The following SLC19A3 variants were observed in gnomAD, a reference collection of about 807,000 sequenced individuals.
SLC19A3 encodes the protein thiamine transporter 2.
In SLC19A3, 31 loss-of-function variants were observed where a neutral mutation model predicts 40.2. The ratio of observed to expected loss-of-function variants is 0.77; its 90% confidence interval spans 0.58 to 1.04. SLC19A3 has a LOEUF of 1.04. SLC19A3 is among the 50% of genes least tolerant of loss of function. The probability of loss-of-function intolerance (pLI) is 0.00; values close to 1 mark genes in which losing one functional copy is unlikely to be tolerated. For missense variants in SLC19A3, 592 were observed against 596.7 expected (o/e 0.99, Z 0.08); for synonymous variants, 212 against 227.5 (o/e 0.93, Z 0.61).
At position 227,717,942 on chromosome 2, in the gene SLC19A3, C is replaced by T; in HGVS notation, c.-3+1G>A. The T allele has an allele frequency of 2.0e-6, 2 of 985,448 alleles. No homozygotes were observed. Among genetic ancestry groups the T allele is most frequent in the Non-Finnish European group, 2.4e-6 (2 of 829,968 alleles). 61.0% of individuals were successfully genotyped at this position (985,448 alleles called of 1,614,324 possible). On this transcript the variant is annotated splice_donor_variant, in intron 1 of 5. Transcript: ENST00000644224. LOFTEE classifies it low-confidence loss of function (5UTR_SPLICE). ...TAATTCGCCCCCCGAGATATTCTTA[C>T]CTACAGAAGGGAGTGTCTGTTCACC...
intron 1 of SLC19A3, among the ~76,000 whole-genome samples, chr2:227,711,454 A>AAATAT (rs1696137353): frequency 1.3e-5 from 2 of 151,310 alleles, no homozygotes; most frequent in South Asian, 4.2e-4. Flanking sequence ...AAATAAAATA[A>AAATAT]TAAAATAAAA....
intron 1 of SLC19A3, among the ~76,000 whole-genome samples, chr2:227,715,251 C>CGCA (rs146692568): frequency 0.15 from 22,091 of 145,438 alleles, 2,127 homozygotes; most frequent in South Asian, 0.33. Context: ...AAACCCCACA[C>CGCA]CCCCCCCAAA....
Position 227,699,543 on chromosome 2 carries a change from C to T in SLC19A3, c.172G>A (p.Val58Ile), listed in dbSNP as rs200412423. 17 of 1,614,108 alleles carry T rather than the reference C, an allele frequency of 1.1e-5. No individual in the cohort carries two copies. The highest frequency in any genetic ancestry group is 6.7e-5 in the African/African-American group (5 of 75,014). ...SAEITNEIFP[V>I]WTYSYLVLLL... ...AGCACCAGGTAGGAGTATGTCCAAA[C>T]GGGGAAGATCTCATTTGTTATCTGC... Residue 58 changes from valine to isoleucine, a missense_variant, in exon 3 of 6, where the codon GTT (valine) becomes ATT (isoleucine). Transcript: ENST00000644224.
intron 1 of SLC19A3, among the ~76,000 whole-genome samples, chr2:227,710,149 T>C (rs895110898): frequency 3.3e-5 from 5 of 152,110 alleles, no homozygotes; most frequent in African/African-American, 1.2e-4. Flanking sequence ...CACCTCCTGC[T>C]GTAATGGCCC....
intron 1 of SLC19A3, among the ~76,000 whole-genome samples, chr2:227,710,790 A>G (rs916687200): frequency 2.0e-5 from 3 of 152,162 alleles, no homozygotes; most frequent in Non-Finnish European, 2.9e-5. Context: ...GACCAAATAC[A>G]TTTTATGTTA....
chr2:227,702,165 T>C lies in SLC19A3; in HGVS notation c.150+4A>G. The C allele has an allele frequency of 1.2e-6, 2 of 1,612,110 alleles. No individual in the cohort carries two copies. The highest frequency in any genetic ancestry group is 1.7e-6 in the Non-Finnish European group (2 of 1,178,192). On this transcript the variant is annotated splice_donor_region_variant and intron_variant, in intron 2 of 5. Coordinates refer to ENST00000644224, the MANE Select transcript of SLC19A3 (RefSeq NM_025243.4). ...CATTAAGATATGTATGTATGTTAAC[T>C]TACCTCTGCACTGGTCAGGTTTTTA...
intron 4 of SLC19A3, among the ~76,000 whole-genome samples, chr2:227,694,313 AT>A (rs1221190732): frequency 2.7e-5 from 4 of 150,926 alleles, no homozygotes; most frequent in African/African-American, 9.7e-5. Context: ...AGCCGTGAAT[AT>A]TTTTTTTTAA....
intron 1 of SLC19A3, chr2:227,702,590 A>T: frequency 2.4e-6 from 1 of 409,924 alleles, no homozygotes; most frequent in Non-Finnish European, 4.5e-6. Context: ...ATGGGGTTTC[A>T]CCATGTTGGC....
At chr2:227,699,624 G>A (rs1009273464) in intron 2 of SLC19A3, 60 bp from the exon 3 acceptor site, 8 of 1,400,766 alleles carry the variant, frequency 5.7e-6, no homozygotes, top group African/African-American at 1.4e-5. Context: ...GGTACCTGTG[G>A]TTTGTATCTC....
Position 227,696,073 on chromosome 2 carries a change from C to G in SLC19A3, c.988G>C (p.Ala330Pro), listed in dbSNP as rs1695424921. 6.5e-7 allele frequency: 1 copy of G among 1,535,398 alleles called. No homozygotes were observed. Among genetic ancestry groups the G allele is most frequent in the Admixed American group, 1.9e-5 (1 of 52,092 alleles). ...EAIATFGGAV[A>P]AFAVGYVKVN... ...TTCACATAACCCACTGCAAAGGCAG[C>G]CACAGCCCCTGAAAAAAAACATTGA... The change falls in exon 4 of 6, where the codon GCT becomes CCT. Residue 330 changes from alanine (A) to proline (P), a missense_variant. Physicochemically the swap from Ala to Pro is conservative, Grantham distance 27 (BLOSUM62 -1). Transcript: ENST00000644224.
intron 1 of SLC19A3, among the ~76,000 whole-genome samples, chr2:227,710,142 C>T (rs1696088547): frequency 6.6e-6 from 1 of 152,078 alleles, no homozygotes; most frequent in Non-Finnish European, 1.5e-5. Context: ...CGCCACTCAC[C>T]TCCTGCTGTA....
In SLC19A3 at chr2:227,699,053, T is replaced by G. The variant is rs863224203; in HGVS notation, c.662A>C (p.His221Pro). ...SSVNPVLEET[H>P]EGEAPGCEEQ... ...TTCACAGCCTGGTGCTTCACCTTCG[T>G]GAGTTTCCTCTAATACTGGATTCAC... Residue 221 changes from histidine (H) to proline (P), a missense_variant, in exon 3 of 6, where the codon CAC becomes CCC. His to Pro is a moderately conservative substitution (Grantham distance 77, BLOSUM62 -2). Coordinates refer to ENST00000644224, the MANE Select transcript of SLC19A3 (RefSeq NM_025243.4). The G allele has an allele frequency of 6.2e-6, 10 of 1,614,098 alleles. No individual in the cohort carries two copies. The highest frequency in any genetic ancestry group is 1.7e-6 in the Non-Finnish European group (2 of 1,180,034).
Position 227,688,310 on chromosome 2 carries a change from A to G in SLC19A3, c.1173-3T>C. On this transcript the variant is annotated splice_region_variant and splice_polypyrimidine_tract_variant and intron_variant, in intron 4 of 5. Transcript: ENST00000644224. Reference sequence around the variant, plus strand: ...TCAGATTAACTGCAATCTGAAATCTATCATTAAACATAAATAAGCATTTTA... The same window carrying G: ...TCAGATTAACTGCAATCTGAAATCTGTCATTAAACATAAATAAGCATTTTA... 6.2e-7 allele frequency: 1 copy of G among 1,613,526 alleles called. No homozygotes were observed. The highest frequency in any genetic ancestry group is 1.3e-5 in the African/African-American group (1 of 75,040).
chr2:227,703,510 C>T lies in SLC19A3; in HGVS notation c.-2-1190G>A, dbSNP rs955855025. ...TGATTAAGCAGTGGAGAGACAAGAGCGATCAGATTTTGAAACTAGGATTAC... is the reference window on the plus strand; with the variant it reads ...TGATTAAGCAGTGGAGAGACAAGAGTGATCAGATTTTGAAACTAGGATTAC... On this transcript the variant is annotated intron_variant, in intron 1 of 5. Transcript: ENST00000644224. The surrounding 1 kb of genome is among the most constrained non-coding windows in gnomAD (Gnocchi z 4.7). 1.3e-5 allele frequency among the ~76,000 whole-genome samples: 2 copies of T among 152,102 alleles called. No homozygotes were observed. The highest frequency in any genetic ancestry group is 6.6e-5 in the Admixed American group (1 of 15,264).
intron 2 of SLC19A3, 100 bp from the exon 3 acceptor site, chr2:227,699,664 C>G: frequency 1.0e-6 from 1 of 979,016 alleles, no homozygotes; most frequent in Non-Finnish European, 1.6e-6. Flanking sequence ...AAATTATTCG[C>G]ATTACGGAGA....
intron 4 of SLC19A3, among the ~76,000 whole-genome samples, chr2:227,688,521 A>C (rs1468086908): frequency 1.3e-5 from 2 of 152,152 alleles, no homozygotes; most frequent in Non-Finnish European, 2.9e-5. Flanking sequence ...ATCTTATCCA[A>C]GACCACCAAA....
At chr2:227,692,644 C>T (rs1023074593) in intron 4 of SLC19A3, among the ~76,000 whole-genome samples, 4 of 152,082 alleles carry the variant, frequency 2.6e-5, no homozygotes, top group African/African-American at 4.8e-5. Context: ...ATTTGGAACA[C>T]GACAAGGATG....
Position 227,698,835 on chromosome 2 carries a change from G to T in SLC19A3, c.880C>A (p.Gln294Lys). Reference sequence around the variant, plus strand: ...AGGATTTGAACATAGTTCAAAACCTGGTTAAAACCTGCTGTGGCGAAAGCC... The same window carrying T: ...AGGATTTGAACATAGTTCAAAACCTTGTTAAAACCTGCTGTGGCGAAAGCC... ...WWAFATAGFN[Q>K]VLNYVQILWD... Residue 294 changes from glutamine to lysine, a missense_variant, in exon 3 of 6, where the codon CAG becomes AAG. Gln to Lys is a moderately conservative substitution (Grantham distance 53). Transcript: ENST00000644224. The T allele has an allele frequency of 6.2e-7, 1 of 1,614,188 alleles. No individual in the cohort carries two copies. Among genetic ancestry groups the T allele is most frequent in the Non-Finnish European group, 8.5e-7 (1 of 1,180,030 alleles).
intron 1 of SLC19A3, among the ~76,000 whole-genome samples, chr2:227,715,308 G>T (rs1022889794): frequency 6.6e-6 from 1 of 151,912 alleles, no homozygotes; most frequent in African/African-American, 2.4e-5. Context: ...TTCCAAAGAC[G>T]TAAACTAGAC....
Sources: gnomAD v4.1 joint callset for allele counts (sites outside exome capture counted in the v4.1 genomes callset) on GRCh38, gnomAD v4.1.1 for gene constraint, Gnocchi (gnomAD v3.1) non-coding constraint, MANE v1.5 for transcripts, NCBI Gene and HGNC (gene_info 2026-07-23, HGNC 2026-07-21) for gene names.